Variants in B3GALT1 observed in about 807,000 individuals in gnomAD.
The protein encoded by B3GALT1 is beta-1,3-galactosyltransferase 1.
In B3GALT1, 10 loss-of-function variants were observed where a neutral mutation model predicts 23.2. The ratio of observed to expected loss-of-function variants is 0.43; its 90% confidence interval spans 0.27 to 0.73. The LOEUF is 0.73. B3GALT1 is among the 30% of genes least tolerant of loss of function. B3GALT1 has a pLI of 0.21. For missense variants in B3GALT1, 299 were observed against 405.4 expected (o/e 0.74, Z 2.25); for synonymous variants, 156 against 141.5 (o/e 1.10, Z -0.73).
intron 2 of B3GALT1, among the ~76,000 whole-genome samples, chr2:167,569,731 C>T (rs1684255818): frequency 6.6e-6 from 1 of 151,790 alleles, no homozygotes; most frequent in Non-Finnish European, 1.5e-5. Context: ...ACATCCTTGC[C>T]TTGTTTCTGA....
At chr2:167,331,430 C>T (rs544735565) in intron 1 of B3GALT1, among the ~76,000 whole-genome samples, 1 of 152,230 alleles carries the variant, frequency 6.6e-6, no homozygotes, top group Admixed American at 6.5e-5. Flanking sequence ...GTAGTGGTAG[C>T]AGTGTTGGGA....
At chr2:167,451,861 G>A (rs1699097548) in intron 1 of B3GALT1, among the ~76,000 whole-genome samples, 1 of 152,148 alleles carries the variant, frequency 6.6e-6, no homozygotes, top group Admixed American at 6.5e-5. Context: ...GGCTTGCCGT[G>A]GCTGCTGTGG....
At chr2:167,336,968 A>G (rs1697067038) in intron 1 of B3GALT1, among the ~76,000 whole-genome samples, 1 of 152,146 alleles carries the variant, frequency 6.6e-6, no homozygotes, top group South Asian at 2.1e-4. Context: ...TGGTGCAAAC[A>G]ACAGAACTTC....
intron 2 of B3GALT1, among the ~76,000 whole-genome samples, chr2:167,524,634 C>G (rs1448829227): frequency 6.6e-6 from 1 of 152,146 alleles, no homozygotes; most frequent in Non-Finnish European, 1.5e-5. Flanking sequence ...GAACAATCTA[C>G]AAAATTCACA....
At chr2:167,696,364 C>G (rs776122059) in intron 3 of B3GALT1, among the ~76,000 whole-genome samples, 1 of 149,122 alleles carries the variant, frequency 6.7e-6, no homozygotes. Flanking sequence ...ATGTAAAATA[C>G]CTAGCACTGT....
intron 2 of B3GALT1, among the ~76,000 whole-genome samples, chr2:167,635,005 T>C (rs1685523624): frequency 1.3e-5 from 2 of 152,252 alleles, no homozygotes; most frequent in South Asian, 4.1e-4. Flanking sequence ...TCTACCATGA[T>C]CAAATTGGCT....
intron 2 of B3GALT1, among the ~76,000 whole-genome samples, chr2:167,508,186 T>TA (rs1201911140): frequency 2.6e-5 from 4 of 152,284 alleles, no homozygotes; most frequent in African/African-American, 9.6e-5. Context: ...GCGGACATAA[T>TA]ACATTCAATC....
chr2:167,682,474 A>G (rs1686549273), intron 3 of B3GALT1, among the ~76,000 whole-genome samples: 1 of 152,230 alleles, frequency 6.6e-6, no homozygotes, highest in African/African-American at 2.4e-5. Context: ...ATTCCTTCTA[A>G]AAGGTTTAAC....
intron 1 of B3GALT1, among the ~76,000 whole-genome samples, chr2:167,478,530 T>C (rs1420883441): frequency 6.6e-6 from 1 of 151,114 alleles, no homozygotes; most frequent in East Asian, 2.0e-4. Context: ...CAAATGGCAG[T>C]GTGAAACCAA....
chr2:167,710,916 CA>C (rs1687037555), intron 3 of B3GALT1, among the ~76,000 whole-genome samples: 1 of 152,126 alleles, frequency 6.6e-6, no homozygotes, highest in Non-Finnish European at 1.5e-5. Context: ...CTAATGGCAG[CA>C]ATCTTTCAAG....
chr2:167,807,559 C>G (rs1414441927), intron 3 of B3GALT1, among the ~76,000 whole-genome samples: 1 of 151,758 alleles, frequency 6.6e-6, no homozygotes, highest in African/African-American at 2.4e-5. Flanking sequence ...TTTCTGCCTT[C>G]ATTTCGTTAT....
intron 1 of B3GALT1, among the ~76,000 whole-genome samples, chr2:167,322,062 C>T (rs1696823788): frequency 1.3e-5 from 2 of 151,978 alleles, no homozygotes; most frequent in Non-Finnish European, 2.9e-5. Flanking sequence ...GAGACCTTCT[C>T]CTCTTGTGTA....
chr2:167,856,160 C>T (rs1689996138), intron 4 of B3GALT1, among the ~76,000 whole-genome samples: 1 of 152,102 alleles, frequency 6.6e-6, no homozygotes. Context: ...TTAGCAAAAC[C>T]TGTCCTATAT....
chr2:167,535,592 A>C (rs1322110376), intron 2 of B3GALT1, among the ~76,000 whole-genome samples: 1 of 152,080 alleles, frequency 6.6e-6, no homozygotes, highest in Non-Finnish European at 1.5e-5. Context: ...AAAAAAAAAA[A>C]CAGAACACAT....
chr2:167,435,385 AG>A (rs1321181048), intron 1 of B3GALT1, among the ~76,000 whole-genome samples: 1 of 142,744 alleles, frequency 7.0e-6, no homozygotes, highest in East Asian at 2.1e-4. Context: ...AATAGGAAAA[AG>A]GGAAGAAAAG....
At chr2:167,835,039 T>C (rs999158501) in intron 4 of B3GALT1, among the ~76,000 whole-genome samples, 1 of 151,918 alleles carries the variant, frequency 6.6e-6, no homozygotes, top group Non-Finnish European at 1.5e-5. Context: ...AAAAGCCTTT[T>C]TGAGGGGAGG....
intron 3 of B3GALT1, among the ~76,000 whole-genome samples, chr2:167,700,444 A>G (rs767730098): frequency 3.3e-5 from 5 of 152,158 alleles, no homozygotes; most frequent in Non-Finnish European, 7.4e-5. Context: ...ATGGCCACCT[A>G]TGAAAGAGAT....
intron 1 of B3GALT1, among the ~76,000 whole-genome samples, chr2:167,348,481 C>T (rs1697258916): frequency 6.6e-6 from 1 of 152,028 alleles, no homozygotes; most frequent in Non-Finnish European, 1.5e-5. Context: ...TAAGATTTGC[C>T]AGAAAATTGA....
chr2:167,564,590 C>T (rs899256175), intron 2 of B3GALT1, among the ~76,000 whole-genome samples: 7 of 152,198 alleles, frequency 4.6e-5, no homozygotes, highest in Non-Finnish European at 7.3e-5. Flanking sequence ...ACCGAGTGAA[C>T]GAGACTCCGT....
Sources: allele counts gnomAD v4.1 joint callset (sites outside exome capture counted in the v4.1 genomes callset), GRCh38; gene constraint gnomAD v4.1.1; transcripts MANE v1.5; gene names NCBI Gene and HGNC (gene_info 2026-07-23, HGNC 2026-07-21).